The following VPS33A variants were observed in gnomAD, a reference collection of about 807,000 sequenced individuals.
VPS33A encodes VPS33A core subunit of CORVET and HOPS complexes, also known as vacuolar protein sorting-associated protein 33A.
In VPS33A, 32 loss-of-function variants were observed where a neutral mutation model predicts 71.8. The observed-to-expected ratio is 0.45, with a 90% confidence interval of 0.34 to 0.60. VPS33A has a LOEUF of 0.60. VPS33A is among the 20% of genes least tolerant of loss of function. The probability of loss-of-function intolerance (pLI) is 0.02; values close to 1 mark genes in which losing one functional copy is unlikely to be tolerated. For synonymous variants in VPS33A, 311 were observed against 292.7 expected, an observed-to-expected ratio of 1.06 and a Z score of -0.64; for missense variants, 625 against 748.5, an observed-to-expected ratio of 0.84 and a Z score of 1.92.
intron 4 of VPS33A, among the ~76,000 whole-genome samples, chr12:122,253,775 G>A (rs559175978): frequency 3.8e-4 from 57 of 151,892 alleles, no homozygotes; most frequent in African/African-American, 1.3e-3. Context: ...TCAGCTCACT[G>A]CAACCTACAC....
At chr12:122,250,079 C>T (rs1355108721) in intron 5 of VPS33A, 34 bp from the exon 6 acceptor site, 17 of 1,543,262 alleles carry the variant, frequency 1.1e-5, no homozygotes, top group Non-Finnish European at 1.4e-5. Context: ...GTGGGGCCCC[C>T]CTGGGAACAA....
In VPS33A at chr12:122,266,448, C is replaced by A; in HGVS notation, c.-40G>T. The A allele has an allele frequency of 6.3e-7, 1 of 1,589,234 alleles. No individual in the cohort carries two copies. On this transcript the variant is annotated 5_prime_UTR_variant, in exon 1 of 13. Coordinates refer to ENST00000267199, the MANE Select transcript of VPS33A (RefSeq NM_022916.6). ...CCCTGCCCCACAACGCCAACCGAGTCCGCCGGTTCCTACGGGAGGACCACG... is the reference window on the plus strand; with the variant it reads ...CCCTGCCCCACAACGCCAACCGAGTACGCCGGTTCCTACGGGAGGACCACG...
chr12:122,237,998 T>C (rs1468984278), intron 10 of VPS33A, among the ~76,000 whole-genome samples: 2 of 151,636 alleles, frequency 1.3e-5, no homozygotes, highest in East Asian at 3.9e-4. Flanking sequence ...GTTGCCAGGC[T>C]GGTCTTGGCC....
intron 1 of VPS33A, among the ~76,000 whole-genome samples, chr12:122,265,463 GCC>G (rs1955055115): frequency 6.6e-6 from 1 of 152,080 alleles, no homozygotes. Flanking sequence ...TACAGAGCGA[GCC>G]CCTGTACACT....
At chr12:122,232,767 A>G (rs1954579743) in intron 12 of VPS33A, 33 bp downstream of exon 12, 4 of 1,594,288 alleles carry the variant, frequency 2.5e-6, no homozygotes, top group South Asian at 1.1e-5. Context: ...CTAACAGTAC[A>G]TAATTATCTG....
intron 6 of VPS33A, chr12:122,249,614 C>T (rs1592921653): frequency 3.3e-6 from 1 of 298,818 alleles, no homozygotes; most frequent in Non-Finnish European, 6.1e-6. Context: ...TTATGCAAAC[C>T]TCACTGATCC....
intron 11 of VPS33A, among the ~76,000 whole-genome samples, chr12:122,235,389 C>A (rs1210101822): frequency 2.6e-5 from 4 of 151,976 alleles, no homozygotes; most frequent in Non-Finnish European, 4.4e-5. Context: ...CTCAGCCCCC[C>A]AAGTAGATGG....
chr12:122,234,530 G>A lies in VPS33A; in HGVS notation c.1440+1256C>T, dbSNP rs567416637. 5.8e-4 allele frequency among the ~76,000 whole-genome samples: 88 copies of A among 152,258 alleles called. 1 individual carries two copies. Among genetic ancestry groups the A allele is most frequent in the African/African-American group, 2.0e-3 (84 of 41,534 alleles). ...TGGTCTTGAACTCCTGACCTCAAGT[G>A]ATCCTCCTGCCTTGGCCTCCCAAAG... is the stretch of plus-strand genomic sequence containing the variant. On this transcript the variant is annotated intron_variant, in intron 11 of 12. Coordinates refer to ENST00000267199, the MANE Select transcript of VPS33A (RefSeq NM_022916.6).
chr12:122,266,469 C>G lies in VPS33A; in HGVS notation c.-61G>C, dbSNP rs1450269569. 1 of 1,572,896 alleles carries G rather than the reference C, an allele frequency of 6.4e-7. No homozygotes were observed. Among genetic ancestry groups the G allele is most frequent in the African/African-American group, 1.4e-5 (1 of 73,868 alleles). Reference sequence around the variant, plus strand: ...GAGTCCGCCGGTTCCTACGGGAGGACCACGGACGCAGTCACGTGACCAAAC... The same window carrying G: ...GAGTCCGCCGGTTCCTACGGGAGGAGCACGGACGCAGTCACGTGACCAAAC... On this transcript the variant is annotated 5_prime_UTR_variant, in exon 1 of 13. Transcript: ENST00000267199.
chr12:122,244,326 C>T (rs1490293200), intron 7 of VPS33A, among the ~76,000 whole-genome samples: 1 of 152,172 alleles, frequency 6.6e-6, no homozygotes, highest in Non-Finnish European at 1.5e-5. Flanking sequence ...AGTCTGTAAA[C>T]TGCACACACT....
At chr12:122,246,850 C>T (rs1445531972) in intron 6 of VPS33A, among the ~76,000 whole-genome samples, 1 of 152,128 alleles carries the variant, frequency 6.6e-6, no homozygotes, top group Admixed American at 6.6e-5. Context: ...GATTGGCCCG[C>T]CTTGGCCTCC....
At chr12:122,238,770 T>TACACATAC (rs1555247695) in intron 9 of VPS33A, 46 bp from the exon 10 acceptor site, 14 of 873,000 alleles carry the variant, frequency 1.6e-5, no homozygotes, top group South Asian at 3.0e-5. Flanking sequence ...TACATATACA[T>TACACATAC]ACACACACAC....
chr12:122,264,334 TTAAAA>T, intron 1 of VPS33A, 135 bp from the exon 2 acceptor site: 1 of 549,084 alleles, frequency 1.8e-6, no homozygotes, highest in Non-Finnish European at 3.0e-6. Context: ...TGTTACAAAA[TTAAAA>T]TAATAATAAT....
Position 122,232,061 on chromosome 12 carries a change from G to GAAA in VPS33A, c.*182_*184dup, listed in dbSNP as rs370160099. 7 of 466,796 alleles carry GAAA rather than the reference G, an allele frequency of 1.5e-5. No homozygotes were observed. Among genetic ancestry groups the GAAA allele is most frequent in the Non-Finnish European group, 2.1e-5 (6 of 286,576 alleles). The allele number at this position is 466,796 out of a possible 1,614,324, so 28.9% of individuals were successfully genotyped here. Reference sequence around the variant, plus strand: ...GACAGAGCAAGACTCCGTCTCAAAGGAAAAAAAAAAAGGGAATACAAAAGA... The same window carrying GAAA: ...GACAGAGCAAGACTCCGTCTCAAAGGAAAAAAAAAAAAAAGGGAATACAAAAGA... On this transcript the variant is annotated 3_prime_UTR_variant, in exon 13 of 13. Coordinates refer to ENST00000267199, the MANE Select transcript of VPS33A (RefSeq NM_022916.6).
chr12:122,238,801 AC>A, intron 9 of VPS33A, 77 bp from the exon 10 acceptor site: 2 of 1,200,518 alleles, frequency 1.7e-6, no homozygotes, highest in South Asian at 1.4e-5. Context: ...ACACACACAC[AC>A]ACACAATACA....
intron 4 of VPS33A, among the ~76,000 whole-genome samples, chr12:122,260,174 T>G (rs781237473): frequency 2.4e-4 from 37 of 152,164 alleles, no homozygotes; most frequent in Non-Finnish European, 5.3e-4. Context: ...CTTTTCGGAA[T>G]AGTTAAAATG....
At chr12:122,265,316 C>T (rs1422289026) in intron 1 of VPS33A, among the ~76,000 whole-genome samples, 1 of 152,160 alleles carries the variant, frequency 6.6e-6, no homozygotes, top group Admixed American at 6.5e-5. Context: ...GGAGTGAGGA[C>T]TCCAACCTAG....
intron 10 of VPS33A, among the ~76,000 whole-genome samples, chr12:122,236,877 A>C (rs1462317788): frequency 1.3e-5 from 2 of 152,136 alleles, no homozygotes; most frequent in Non-Finnish European, 2.9e-5. Flanking sequence ...CTGTGTATGG[A>C]AACATTCTGT....
chr12:122,237,592 G>A (rs1024927909), intron 10 of VPS33A, among the ~76,000 whole-genome samples: 6 of 142,006 alleles, frequency 4.2e-5, no homozygotes, highest in Non-Finnish European at 7.5e-5. Flanking sequence ...GCCGGACTGC[G>A]GACTGCAGTG....
Sources: allele counts gnomAD v4.1 joint callset (sites outside exome capture counted in the v4.1 genomes callset), GRCh38; gene constraint gnomAD v4.1.1; transcripts MANE v1.5; gene names NCBI Gene and HGNC (gene_info 2026-07-23, HGNC 2026-07-21).